ANKRD26: variants seen among roughly 807,000 people sequenced by gnomAD.
ANKRD26 encodes the protein ankyrin repeat domain-containing protein 26.
In ANKRD26, 141 loss-of-function variants were observed where a neutral mutation model predicts 208.7. The observed-to-expected ratio is 0.68, with a 90% CI of 0.59 to 0.78. ANKRD26 has a LOEUF of 0.78. Ranked by LOEUF, ANKRD26 falls within the 30% of genes least tolerant of loss-of-function variation. The pLI, the probability that ANKRD26 is intolerant of heterozygous loss-of-function variation, is 0.00. For synonymous variants in ANKRD26, 636 were observed against 660.4 expected (o/e 0.96, Z 0.57); for missense variants, 1,889 against 1,938.7 (o/e 0.97, Z 0.48).
At chr10:27,075,875 T>TA (rs944045190) in intron 9 of ANKRD26, among the ~76,000 whole-genome samples, 2 of 152,154 alleles carry the variant, frequency 1.3e-5, no homozygotes, top group African/African-American at 4.8e-5. Flanking sequence ...TAATAAATTT[T>TA]AAAAAACTGA....
At chr10:27,002,259 A>G (rs2052741451), downstream of ANKRD26, among the ~76,000 whole-genome samples, 1 of 152,156 alleles carries the variant, frequency 6.6e-6, no homozygotes, top group Non-Finnish European at 1.5e-5. Flanking sequence ...GACACAAGAG[A>G]CTGGTTACAC....
chr10:27,100,205 T>C lies in ANKRD26; in HGVS notation c.122A>G (p.His41Arg), dbSNP rs779646302. 1.2e-6 allele frequency: 2 copies of C among 1,613,668 alleles called. No homozygotes were observed. The highest frequency in any genetic ancestry group is 1.7e-5 in the Admixed American group (1 of 60,028). ...GEGAYSQPGY[H>R]VRDRDLGKIH... ...CTTGCCGAGATCTCGGTCTCGGACG[T>C]GGTAGCCGGGCTGCGAGTAGGCGCC... The change falls in exon 1 of 34, where the codon CAC (histidine) becomes CGC (arginine). Residue 41 changes from histidine (H) to arginine (R), a missense_variant. Transcript: ENST00000376087.
chr10:27,078,438 A>T (rs9651378), intron 7 of ANKRD26, among the ~76,000 whole-genome samples: 36,350 of 151,870 alleles, frequency 0.24, 5,039 homozygotes, highest in East Asian at 0.56. Flanking sequence ...AAGATGAAAG[A>T]GTAGGGAGAA....
chr10:27,058,497 A>G (rs61851042), intron 15 of ANKRD26, among the ~76,000 whole-genome samples: 9,668 of 152,226 alleles, frequency 0.064, 468 homozygotes, highest in Middle Eastern at 0.15. Flanking sequence ...AATATAATAC[A>G]TATCAACAGC....
intron 4 of ANKRD26, among the ~76,000 whole-genome samples, chr10:27,087,440 T>C (rs991171740): frequency 5.9e-5 from 9 of 152,242 alleles, no homozygotes. Flanking sequence ...ATTAAATGTT[T>C]CTCCAAAGGT....
intron 26 of ANKRD26, 35 bp from the exon 27 acceptor site, chr10:27,028,980 G>T: frequency 6.6e-7 from 1 of 1,507,118 alleles, no homozygotes; most frequent in Non-Finnish European, 9.1e-7. Context: ...TATTCTCACA[G>T]ATAAATTTTT....
In ANKRD26 at chr10:27,072,947, G is replaced by T. The variant is rs74773095; in HGVS notation, c.1077+4391C>A. Among the ~76,000 whole-genome samples, 1,498 of 152,272 alleles carry T rather than the reference G, an allele frequency of 9.8e-3. 14 individuals carry two copies. Among genetic ancestry groups the T allele is most frequent in the Middle Eastern group, 0.024 (7 of 294 alleles). ...CCGCTGCTGGGAGACTCGAGGACAGGTCATCTCACTGGATCCCTTGCAGAC... is the reference window on the plus strand; with the variant it reads ...CCGCTGCTGGGAGACTCGAGGACAGTTCATCTCACTGGATCCCTTGCAGAC... On this transcript the variant is annotated intron_variant, in intron 9 of 33. Transcript: ENST00000376087.
intron 15 of ANKRD26, among the ~76,000 whole-genome samples, chr10:27,059,010 G>C (rs1002823063): frequency 3.3e-5 from 5 of 151,618 alleles, no homozygotes; most frequent in African/African-American, 4.9e-5. Flanking sequence ...CACCTCCCGG[G>C]TTCATGCCAT....
In ANKRD26 at chr10:27,004,599, A is replaced by C. The variant is rs957968397; in HGVS notation, c.*991T>G. 1 of 152,208 alleles carries C rather than the reference A, an allele frequency of 6.6e-6. No homozygotes were observed. Among genetic ancestry groups the C allele is most frequent in the African/African-American group, 2.4e-5 (1 of 41,466 alleles). 9.4% of individuals were successfully genotyped at this position (152,208 alleles called of 1,614,324 possible). A position where few individuals can be genotyped will look rare whatever the true frequency, so the allele number is the denominator to read the frequency against. ...AACTGTAGGGTCACAGGTAAGATGC[A>C]ATGAGAAGATCACTGGGTCACTTCT... On this transcript the variant is annotated 3_prime_UTR_variant, in exon 34 of 34. Transcript: ENST00000376087.
downstream of ANKRD26, among the ~76,000 whole-genome samples, chr10:26,987,420 T>TA (rs1206065331): frequency 1.3e-5 from 2 of 152,176 alleles, no homozygotes; most frequent in African/African-American, 4.8e-5. Flanking sequence ...CCCTAAAACT[T>TA]AAAGTATTCA....
At chr10:26,975,861 T>C (rs957744713) in exon 6 of ANKRD26, among the ~76,000 whole-genome samples, 3 of 150,768 alleles carry the variant, frequency 2.0e-5, no homozygotes, top group African/African-American at 7.3e-5. Context: ...AAATAAATAA[T>C]AAATAAATAA....
rs748098856 is a variant in ANKRD26, at chr10:27,014,730, A to AT, written c.4507-20dup. 1.3e-6 allele frequency: 2 copies of AT among 1,596,092 alleles called. No homozygotes were observed. The highest frequency in any genetic ancestry group is 1.7e-6 in the Non-Finnish European group (2 of 1,166,526). ...CTTGTGCCTAAAACAAATTAAAAGC[A>AT]TATGTTTTAAAAATATATAACCTGA... On this transcript the variant is annotated intron_variant, in intron 30 of 33. Coordinates refer to ENST00000376087, the MANE Select transcript of ANKRD26 (RefSeq NM_014915.3).
chr10:27,021,051 C>T (rs535315971), intron 29 of ANKRD26, among the ~76,000 whole-genome samples: 106 of 152,146 alleles, frequency 7.0e-4, no homozygotes, highest in African/African-American at 2.4e-3. Flanking sequence ...TGCAAAATGC[C>T]GAGGTTTGGA....
intron 12 of ANKRD26, 111 bp from the exon 13 acceptor site, chr10:27,061,353 C>T (rs2055048537): frequency 3.0e-6 from 2 of 671,896 alleles, no homozygotes; most frequent in South Asian, 3.9e-5. Context: ...AAAATTAGTG[C>T]AGTTTTTTAA....
At chr10:27,052,110 T>C in intron 16 of ANKRD26, 1 of 985,286 alleles carries the variant, frequency 1.0e-6, no homozygotes, top group Non-Finnish European at 1.2e-6. Context: ...AGATGTCTTT[T>C]CTGTCAGGGT....
chr10:26,972,027 A>C (rs554648049), downstream of ANKRD26, among the ~76,000 whole-genome samples: 17 of 152,134 alleles, frequency 1.1e-4, no homozygotes, highest in Non-Finnish European at 1.6e-4. Flanking sequence ...CAAAGTCAGG[A>C]GATCGAGACC....
At position 26,975,402 on chromosome 10, in the gene ANKRD26, CTTTTTTT is replaced by C. The variant is rs60226106; in HGVS notation, c.*915_*921del. ...AGCCACCTCGCCCAGCTAATTTTTGCTTTTTTTTTTTTTTTTTTGGTGTAGTTGAGGT... is the reference window on the plus strand; with the variant it reads ...AGCCACCTCGCCCAGCTAATTTTTGCTTTTTTTTTTTGGTGTAGTTGAGGT... On this transcript the variant is annotated 3_prime_UTR_variant and NMD_transcript_variant, in exon 6 of 6. Coordinates refer to the ANKRD26 transcript ENST00000674670. 4.7e-3 allele frequency among the ~76,000 whole-genome samples: 426 copies of C among 90,538 alleles called. 16 individuals carry two copies. The East Asian group carries it at 0.049, about 10-fold the overall frequency. The allele number at this position is 90,538 out of a possible 152,430, so 59.4% of individuals were successfully genotyped here.
At chr10:26,951,948 C>A in the ANKRD26 span, among the ~76,000 whole-genome samples, 1 of 152,088 alleles carries the variant, frequency 6.6e-6, no homozygotes, top group East Asian at 1.9e-4. Context: ...AGAGTTTATA[C>A]CCCCTTCTTT....
At chr10:27,076,500 G>T (rs1374577363) in intron 9 of ANKRD26, among the ~76,000 whole-genome samples, 1 of 151,940 alleles carries the variant, frequency 6.6e-6, no homozygotes, top group Non-Finnish European at 1.5e-5. Context: ...CCTGACCTCA[G>T]GTGATCTGCC....
Sources: allele counts gnomAD v4.1 joint callset (sites outside exome capture counted in the v4.1 genomes callset), GRCh38; gene constraint gnomAD v4.1.1; transcripts MANE v1.5; gene names NCBI Gene and HGNC (gene_info 2026-07-23, HGNC 2026-07-21).